Variants in CPEB3 observed in about 807,000 individuals in gnomAD.
CPEB3 encodes the protein cytoplasmic polyadenylation element-binding protein 3.
Under a neutral mutation model 67.2 loss-of-function variants are expected in CPEB3, and 20 were observed. That is an observed-to-expected ratio of 0.30 (90% CI 0.21 to 0.43). The LOEUF (loss-of-function observed/expected upper bound fraction) is 0.43, where lower values mean the gene tolerates loss of function less well. Among genes scored for constraint, CPEB3 ranks in the 20% least tolerant of loss-of-function variants. The pLI, the probability that CPEB3 is intolerant of heterozygous loss-of-function variation, is 1.00. For synonymous variants in CPEB3, 376 were observed against 393.1 expected, an observed-to-expected ratio of 0.96 and a Z score of 0.51; for missense variants, 746 against 968.6, an observed-to-expected ratio of 0.77 and a Z score of 3.05.
In CPEB3 at chr10:92,240,364, G is replaced by A. The variant is rs1271615593; in HGVS notation, c.-11-3C>T. 3 of 1,439,844 alleles carry A rather than the reference G, an allele frequency of 2.1e-6. No homozygotes were observed. Among genetic ancestry groups the A allele is most frequent in the South Asian group, 3.0e-5 (2 of 66,018 alleles). The allele number at this position is 1,439,844 out of a possible 1,614,324, so 89.2% of individuals were successfully genotyped here. On this transcript the variant is annotated splice_polypyrimidine_tract_variant and splice_region_variant and intron_variant, in intron 1 of 9. Coordinates refer to ENST00000265997, the MANE Select transcript of CPEB3 (RefSeq NM_014912.5). ...ATCATCCTGCATGGTTTGCGCAGCT[G>A]AAACGGGAAAAAAGAGAGACGCGTT... is the stretch of plus-strand genomic sequence containing the variant.
intron 2 of CPEB3, among the ~76,000 whole-genome samples, chr10:92,233,353 A>C (rs971567941): frequency 6.6e-6 from 1 of 152,014 alleles, no homozygotes; most frequent in Non-Finnish European, 1.5e-5. Flanking sequence ...ACATGGTGAA[A>C]CCCCGTCACC....
At chr10:92,063,099 G>A (rs1842418078) in intron 9 of CPEB3, among the ~76,000 whole-genome samples, 1 of 152,206 alleles carries the variant, frequency 6.6e-6, no homozygotes, top group African/African-American at 2.4e-5. Context: ...AATATATTTA[G>A]AATGCTACAG....
intron 4 of CPEB3, among the ~76,000 whole-genome samples, chr10:92,164,181 A>T (rs1847629693): frequency 6.6e-6 from 1 of 152,188 alleles, no homozygotes; most frequent in South Asian, 2.1e-4. Flanking sequence ...CTATCATTAT[A>T]CACATTTCCA....
Position 92,048,603 on chromosome 10 carries a change from C to A in CPEB3, c.*3609G>T, listed in dbSNP as rs1852180842. On this transcript the variant is annotated 3_prime_UTR_variant, in exon 10 of 10. Coordinates refer to ENST00000265997, the MANE Select transcript of CPEB3 (RefSeq NM_014912.5). The surrounding 1 kb of genome is among the most constrained non-coding windows in gnomAD (Gnocchi z 4.1). ...ACATCCCTAGTCTTACACTAAACCACTGTGATAAAGGAAAAGGCTTCTCAA... is the reference window on the plus strand; with the variant it reads ...ACATCCCTAGTCTTACACTAAACCAATGTGATAAAGGAAAAGGCTTCTCAA... 6.6e-6 allele frequency: 1 copy of A among 152,470 alleles called. No individual in the cohort carries two copies. Among genetic ancestry groups the A allele is most frequent in the Non-Finnish European group, 1.5e-5 (1 of 68,010 alleles). 9.4% of individuals were successfully genotyped at this position (152,470 alleles called of 1,614,324 possible).
intron 6 of CPEB3, among the ~76,000 whole-genome samples, chr10:92,133,625 AATCAAT>A (rs1245130384): frequency 1.3e-5 from 2 of 152,230 alleles, no homozygotes; most frequent in African/African-American, 2.4e-5. Flanking sequence ...AAACGATTCC[AATCAAT>A]AGAAAAAGAG....
At chr10:92,216,433 C>A (rs571216023) in intron 2 of CPEB3, 1 of 1,612,394 alleles carries the variant, frequency 6.2e-7, no homozygotes, top group East Asian at 2.2e-5. Flanking sequence ...AGAACCCCAT[C>A]GCGCAGCTCC....
intron 6 of CPEB3, among the ~76,000 whole-genome samples, chr10:92,134,963 G>A (rs113742277): frequency 6.6e-6 from 1 of 152,146 alleles, no homozygotes; most frequent in East Asian, 1.9e-4. Flanking sequence ...CTAGCCATAT[G>A]TAGAAAGCTG....
intron 4 of CPEB3, among the ~76,000 whole-genome samples, chr10:92,174,534 T>C (rs762712070): frequency 3.3e-5 from 5 of 152,192 alleles, no homozygotes; most frequent in Non-Finnish European, 5.9e-5. Flanking sequence ...AGTGTCTTTT[T>C]TTGGCTTAAG....
rs1472062595 is a variant in CPEB3 at position 92,081,314 on chromosome 10, G to A, written c.1869+6C>T. The A allele has an allele frequency of 6.2e-7, 1 of 1,614,124 alleles. No homozygotes were observed. The highest frequency in any genetic ancestry group is 1.7e-5 in the Admixed American group (1 of 60,018). On this transcript the variant is annotated splice_donor_region_variant and intron_variant, in intron 9 of 9. Coordinates refer to ENST00000265997, the MANE Select transcript of CPEB3 (RefSeq NM_014912.5). ...CATAGCAGTTTCACCCTAAGTAGGTGCTTACCCGTTTGTCAATGTCATTGT... is the reference window on the plus strand; with the variant it reads ...CATAGCAGTTTCACCCTAAGTAGGTACTTACCCGTTTGTCAATGTCATTGT...
intron 2 of CPEB3, among the ~76,000 whole-genome samples, chr10:92,201,294 G>T (rs146842483): frequency 1.3e-5 from 2 of 152,218 alleles, no homozygotes; most frequent in Admixed American, 1.3e-4. Context: ...TTGGGAGGCC[G>T]AGGCGGGCGG....
intron 7 of CPEB3, among the ~76,000 whole-genome samples, chr10:92,102,083 T>A (rs935287370): frequency 6.6e-6 from 1 of 152,212 alleles, no homozygotes; most frequent in African/African-American, 2.4e-5. Context: ...TTTGACCACA[T>A]AGCTCCCTAA....
At chr10:92,271,239 T>C (rs1425034796) in intron 1 of CPEB3, among the ~76,000 whole-genome samples, 5 of 152,238 alleles carry the variant, frequency 3.3e-5, no homozygotes, top group Admixed American at 2.6e-4. Context: ...ATTACAAAAA[T>C]GTTTCAAAAA....
intron 6 of CPEB3, chr10:92,137,533 A>G (rs1396971840): frequency 2.5e-6 from 2 of 815,448 alleles, no homozygotes; most frequent in African/African-American, 1.7e-5. Context: ...CAAGAAGTTC[A>G]TAAGGGACCC....
chr10:92,185,073 CT>C (rs1267850503), intron 3 of CPEB3, among the ~76,000 whole-genome samples: 3 of 152,016 alleles, frequency 2.0e-5, no homozygotes, highest in Non-Finnish European at 4.4e-5. Flanking sequence ...TTTTTTCTTC[CT>C]TTTGTCCAAC....
chr10:92,094,965 A>G (rs998374375), intron 7 of CPEB3, among the ~76,000 whole-genome samples: 12 of 152,158 alleles, frequency 7.9e-5, no homozygotes, highest in Non-Finnish European at 4.4e-5. Context: ...TTGATCATAG[A>G]TCACTTTATT....
At chr10:92,182,299 T>A (rs1229398473) in intron 3 of CPEB3, among the ~76,000 whole-genome samples, 1 of 152,136 alleles carries the variant, frequency 6.6e-6, no homozygotes, top group Admixed American at 6.6e-5. Context: ...TGCAAAAGAG[T>A]CAGTGATCAT....
chr10:92,231,035 T>C (rs2134559927), intron 2 of CPEB3, among the ~76,000 whole-genome samples: 1 of 152,196 alleles, frequency 6.6e-6, no homozygotes, highest in Non-Finnish European at 1.5e-5. Flanking sequence ...AAATTAAGAG[T>C]TTAAGCATTT....
chr10:92,283,656 G>C (rs1842395941), intron 1 of CPEB3, among the ~76,000 whole-genome samples: 1 of 151,860 alleles, frequency 6.6e-6, no homozygotes, highest in Non-Finnish European at 1.5e-5. Context: ...AGCAGGTTTA[G>C]GAACCACTAC....
chr10:92,161,847 G>A (rs1050659847), intron 4 of CPEB3, among the ~76,000 whole-genome samples: 1 of 151,916 alleles, frequency 6.6e-6, no homozygotes, highest in Admixed American at 6.6e-5. Flanking sequence ...ATTTTCAATA[G>A]AGATGGGGTT....
Sources: gnomAD v4.1 joint callset for allele counts (sites outside exome capture counted in the v4.1 genomes callset) on GRCh38, gnomAD v4.1.1 for gene constraint, Gnocchi (gnomAD v3.1) non-coding constraint, MANE v1.5 for transcripts, NCBI Gene and HGNC (gene_info 2026-07-23, HGNC 2026-07-21) for gene names.